Variants in TMEM170B observed in about 807,000 individuals in gnomAD.
TMEM170B encodes transmembrane protein 170B.
In TMEM170B, 6 loss-of-function variants were observed where a neutral mutation model predicts 13.0. The observed-to-expected ratio is 0.46, with a 90% CI of 0.25 to 0.91. The LOEUF (loss-of-function observed/expected upper bound fraction) is 0.91, where lower values mean the gene tolerates loss of function less well. TMEM170B is among the 40% of genes least tolerant of loss of function. The probability of loss-of-function intolerance (pLI) is 0.17; values close to 1 mark genes in which losing one functional copy is unlikely to be tolerated. For synonymous variants in TMEM170B, 61 were observed against 64.9 expected, an observed-to-expected ratio of 0.94 and a Z score of 0.29; for missense variants, 138 against 165.2, an observed-to-expected ratio of 0.84 and a Z score of 0.90.
rs1759981091 is a variant in TMEM170B at position 11,583,157 on chromosome 6, A to G, written c.*7596A>G. ...TCTTTATTTTAAATTATTTTTCACC[A>G]TTCTCATTTTCTTCAAAGGGCAGCA... On this transcript the variant is annotated 3_prime_UTR_variant, in exon 3 of 3. Coordinates refer to ENST00000379426, the MANE Select transcript of TMEM170B (RefSeq NM_001100829.3). 2 of 152,174 alleles carry G rather than the reference A, an allele frequency of 1.3e-5. No individual in the cohort carries two copies. The highest frequency in any genetic ancestry group is 6.5e-5 in the Admixed American group (1 of 15,286). 9.4% of individuals were successfully genotyped at this position (152,174 alleles called of 1,614,324 possible).
chr6:11,580,332 A>G lies in TMEM170B; in HGVS notation c.*4771A>G, dbSNP rs1364462825. 1 of 152,002 alleles carries G rather than the reference A, an allele frequency of 6.6e-6. No individual in the cohort carries two copies. The highest frequency in any genetic ancestry group is 2.4e-5 in the African/African-American group (1 of 41,370). The allele number at this position is 152,002 out of a possible 1,614,324, so 9.4% of individuals were successfully genotyped here. ...CCAGCCTATTTTTTTTTAACTTCAA[A>G]TACTATTATTTTAAATTTATGTTCA... On this transcript the variant is annotated 3_prime_UTR_variant, in exon 3 of 3. Coordinates refer to ENST00000379426, the MANE Select transcript of TMEM170B (RefSeq NM_001100829.3).
intron 2 of TMEM170B, among the ~76,000 whole-genome samples, chr6:11,573,036 TTGTG>T (rs1369025492): frequency 2.6e-5 from 4 of 152,162 alleles, no homozygotes; most frequent in Admixed American, 6.6e-5. Context: ...GCTGTATTGA[TTGTG>T]TGTGTTTATG....
chr6:11,570,610 C>A (rs1251561016), intron 2 of TMEM170B, among the ~76,000 whole-genome samples: 2 of 151,978 alleles, frequency 1.3e-5, no homozygotes, highest in Non-Finnish European at 2.9e-5. Context: ...ATATTAAAAA[C>A]CCTTCTTCCA....
At chr6:11,548,785 A>C in intron 1 of TMEM170B, among the ~76,000 whole-genome samples, 1 of 152,198 alleles carries the variant, frequency 6.6e-6, no homozygotes, top group Non-Finnish European at 1.5e-5. Context: ...GACATGGATG[A>C]AGCTGGAAAC....
intron 1 of TMEM170B, among the ~76,000 whole-genome samples, chr6:11,557,768 G>A (rs943615719): frequency 1.3e-4 from 20 of 152,152 alleles, no homozygotes; most frequent in African/African-American, 3.9e-4. Flanking sequence ...ATCACACCTC[G>A]CTCATCTCTA....
At chr6:11,563,892 C>T (rs924898558) in intron 1 of TMEM170B, among the ~76,000 whole-genome samples, 2 of 152,166 alleles carry the variant, frequency 1.3e-5, no homozygotes, top group South Asian at 4.1e-4. Flanking sequence ...ATCACTTGAT[C>T]CCAGGAGATG....
intron 1 of TMEM170B, among the ~76,000 whole-genome samples, chr6:11,538,762 T>C (rs541763780): frequency 3.3e-5 from 5 of 152,254 alleles, no homozygotes; most frequent in Non-Finnish European, 7.3e-5. Context: ...TTTACATCTT[T>C]TTCTGATTTA....
In TMEM170B at chr6:11,579,001, C is replaced by T. The variant is rs1198340511; in HGVS notation, c.*3440C>T. On this transcript the variant is annotated 3_prime_UTR_variant, in exon 3 of 3. Transcript: ENST00000379426. ...TGTAAAGTGCTCTACCAAGTATTTT[C>T]TCTAGTAAGAAGTACAAGAATTACC... 1.3e-5 allele frequency: 2 copies of T among 152,184 alleles called. No homozygotes were observed. Among genetic ancestry groups the T allele is most frequent in the African/African-American group, 4.8e-5 (2 of 41,440 alleles). 9.4% of individuals were successfully genotyped at this position (152,184 alleles called of 1,614,324 possible).
chr6:11,542,850 CTG>C (rs1759380333), intron 1 of TMEM170B, among the ~76,000 whole-genome samples: 1 of 152,312 alleles, frequency 6.6e-6, no homozygotes, highest in African/African-American at 2.4e-5. Context: ...TGAATGGCCG[CTG>C]TGTGTTAGGC....
In TMEM170B at chr6:11,582,753, G is replaced by T. The variant is rs752706148; in HGVS notation, c.*7192G>T. On this transcript the variant is annotated 3_prime_UTR_variant, in exon 3 of 3. Coordinates refer to ENST00000379426, the MANE Select transcript of TMEM170B (RefSeq NM_001100829.3). Reference sequence around the variant, plus strand: ...ATAGAAATACTAAATGTACTGTGAAGCTTAAAGACAGGAGAATAAATGTTG... The same window carrying T: ...ATAGAAATACTAAATGTACTGTGAATCTTAAAGACAGGAGAATAAATGTTG... 5 of 152,144 alleles carry T rather than the reference G, an allele frequency of 3.3e-5. No individual in the cohort carries two copies. The highest frequency in any genetic ancestry group is 5.9e-5 in the Non-Finnish European group (4 of 68,000). 9.4% of individuals were successfully genotyped at this position (152,144 alleles called of 1,614,324 possible). A position where few individuals can be genotyped will look rare whatever the true frequency, so the allele number is the denominator to read the frequency against.
chr6:11,555,276 GTT>G (rs1759573427), intron 1 of TMEM170B, among the ~76,000 whole-genome samples: 1 of 151,868 alleles, frequency 6.6e-6, no homozygotes, highest in Non-Finnish European at 1.5e-5. Context: ...TTGTTCCACT[GTT>G]TGTAATATGT....
At chr6:11,542,455 C>G (rs770970604) in intron 1 of TMEM170B, among the ~76,000 whole-genome samples, 47 of 152,100 alleles carry the variant, frequency 3.1e-4, no homozygotes, top group Non-Finnish European at 5.6e-4. Context: ...TGGACCTTGC[C>G]ATTTCATAAA....
intron 2 of TMEM170B, among the ~76,000 whole-genome samples, chr6:11,573,494 A>C (rs1759831944): frequency 6.6e-6 from 1 of 152,152 alleles, no homozygotes; most frequent in Non-Finnish European, 1.5e-5. Flanking sequence ...CTTCGTGCCC[A>C]CCTATTTTAC....
At chr6:11,538,747 T>G (rs1759319584) in intron 1 of TMEM170B, among the ~76,000 whole-genome samples, 1 of 152,268 alleles carries the variant, frequency 6.6e-6, no homozygotes, top group East Asian at 1.9e-4. Flanking sequence ...CATCGCTTCT[T>G]GCTATTTACA....
At chr6:11,550,090 G>A (rs1759504019) in intron 1 of TMEM170B, among the ~76,000 whole-genome samples, 1 of 151,876 alleles carries the variant, frequency 6.6e-6, no homozygotes, top group South Asian at 2.1e-4. Context: ...TGCCCACCTT[G>A]GCCTCCCAAA....
Position 11,538,319 on chromosome 6 carries a change from G to A in TMEM170B, c.42G>A (p.Ser14=), listed in dbSNP as rs766698775. The change falls in exon 1 of 3, where the codon TCG becomes TCA. Residue 14 remains serine, a synonymous_variant. Coordinates refer to ENST00000379426, the MANE Select transcript of TMEM170B (RefSeq NM_001100829.3). ...GCGACCACTCCATGATCAACCTGTC[G>A]GTGCAGCAGGTCCTGAGCCTCTGGG... ...EGGDHSMINL[S]VQQVLSLWAH... 2.0e-6 allele frequency: 3 copies of A among 1,492,208 alleles called. No individual in the cohort carries two copies. The highest frequency in any genetic ancestry group is 5.7e-5 in the East Asian group (2 of 34,812). 92.4% of individuals were successfully genotyped at this position (1,492,208 alleles called of 1,614,324 possible).
intron 1 of TMEM170B, among the ~76,000 whole-genome samples, chr6:11,539,186 G>A (rs1395340984): frequency 6.6e-6 from 1 of 152,136 alleles, no homozygotes; most frequent in Non-Finnish European, 1.5e-5. Context: ...ATGTGGAAAT[G>A]CTTACATTAT....
chr6:11,545,264 T>C (rs1002193029), intron 1 of TMEM170B, among the ~76,000 whole-genome samples: 1 of 127,818 alleles, frequency 7.8e-6, no homozygotes, highest in Non-Finnish European at 1.8e-5. Flanking sequence ...GTTAAAAGGC[T>C]TCTCTCTCTC....
intron 1 of TMEM170B, among the ~76,000 whole-genome samples, chr6:11,560,882 ATGT>A (rs1759655395): frequency 6.6e-6 from 1 of 152,180 alleles, no homozygotes; most frequent in African/African-American, 2.4e-5. Flanking sequence ...CTCATAAATA[ATGT>A]TGTTGAAGGA....
Sources: gnomAD v4.1 joint callset for allele counts (sites outside exome capture counted in the v4.1 genomes callset) on GRCh38, gnomAD v4.1.1 for gene constraint, MANE v1.5 for transcripts, NCBI Gene and HGNC (gene_info 2026-07-23, HGNC 2026-07-21) for gene names.